The following ANKRD31 variants were observed in gnomAD, a reference collection of about 807,000 sequenced individuals.
The protein encoded by ANKRD31 is ankyrin repeat domain-containing protein 31.
Under a neutral mutation model 186.0 loss-of-function variants are expected in ANKRD31, and 147 were observed. The observed-to-expected ratio is 0.79, with a 90% CI of 0.69 to 0.91. ANKRD31 has a LOEUF of 0.91. ANKRD31 is among the 40% of genes least tolerant of loss of function. The pLI, the probability that ANKRD31 is intolerant of heterozygous loss-of-function variation, is 0.00. For missense variants in ANKRD31, 1,986 were observed against 2,148.8 expected, an observed-to-expected ratio of 0.92 and a Z score of 1.50; for synonymous variants, 673 against 736.4, an observed-to-expected ratio of 0.91 and a Z score of 1.39.
intron 25 of ANKRD31, among the ~76,000 whole-genome samples, chr5:75,077,316 C>G (rs550271771): frequency 1.4e-3 from 214 of 152,306 alleles, no homozygotes; most frequent in African/African-American, 4.9e-3. Flanking sequence ...AGCAGTCCTC[C>G]TGCCTTGGCC....
rs1755429015 is a variant in ANKRD31, at chr5:75,195,848, T to C, written c.800A>G (p.Asn267Ser). 1 of 1,537,050 alleles carries C rather than the reference T, an allele frequency of 6.5e-7. No individual in the cohort carries two copies. The highest frequency in any genetic ancestry group is 1.4e-5 in the African/African-American group (1 of 72,932). Residue 267 changes from asparagine (N) to serine (S), a missense_variant, in exon 7 of 26, where the codon AAT becomes AGT. Physicochemically the swap from Asn to Ser is conservative, Grantham distance 46. Coordinates refer to ENST00000506364, the MANE Select transcript of ANKRD31 (RefSeq NM_001372053.1). The part of the protein sequence containing the change: ...DSLSSISIPL[N>S]SWSACHRDLL... ...ATCTCTATGACATGCCGACCAGGAA[T>C]TCAAAGGTATTGATATGGAACTAAG...
At chr5:75,131,955 G>T (rs1485798812) in intron 17 of ANKRD31, among the ~76,000 whole-genome samples, 1 of 152,238 alleles carries the variant, frequency 6.6e-6, no homozygotes, top group Admixed American at 6.5e-5. Flanking sequence ...GGTCCTGACT[G>T]TTAGAAGGAA....
At chr5:75,163,426 T>C (rs1343521892) in intron 11 of ANKRD31, among the ~76,000 whole-genome samples, 2 of 152,212 alleles carry the variant, frequency 1.3e-5, no homozygotes, top group African/African-American at 2.4e-5. Context: ...TTACCCTTTG[T>C]GGATGTGCTT....
intron 25 of ANKRD31, among the ~76,000 whole-genome samples, chr5:75,071,383 C>T (rs937700039): frequency 4.0e-5 from 6 of 150,670 alleles, no homozygotes; most frequent in Non-Finnish European, 8.9e-5. Context: ...GAAGTAGCTG[C>T]AATACTTCTT....
Position 75,116,580 on chromosome 5 carries a change from C to T in ANKRD31, c.4141G>A (p.Glu1381Lys). The change falls in exon 19 of 26, where the codon GAA (glutamate) becomes AAA (lysine). Residue 1381 changes from glutamate to lysine, a missense_variant. Glu to Lys is a moderately conservative substitution (Grantham distance 56). Transcript: ENST00000506364. ...ACTTCACTCACCACAGAAAGGCTTT[C>T]TCTTGATCTTTCTTGGTGTGAAAGG... ...SSLSHQERSR[E>K]SLSVHQTLSA... 7.0e-7 allele frequency: 1 copy of T among 1,438,280 alleles called. No individual in the cohort carries two copies. The highest frequency in any genetic ancestry group is 9.2e-7 in the Non-Finnish European group (1 of 1,090,120). The allele number at this position is 1,438,280 out of a possible 1,614,324, so 89.1% of individuals were successfully genotyped here.
intron 1 of ANKRD31, among the ~76,000 whole-genome samples, chr5:75,234,527 C>A (rs1247932464): frequency 1.1e-4 from 17 of 152,168 alleles, no homozygotes; most frequent in Admixed American, 1.1e-3. Context: ...GATCCAGTCT[C>A]CAAAACAAAC....
At chr5:75,208,975 T>C (rs910672799) in intron 4 of ANKRD31, among the ~76,000 whole-genome samples, 2 of 152,240 alleles carry the variant, frequency 1.3e-5, no homozygotes, top group South Asian at 4.1e-4. Context: ...TTTCTTTTTG[T>C]CTGTTCATTT....
rs1431350376 is a variant in ANKRD31 at position 75,230,733 on chromosome 5, A to T, written c.105-98T>A. The T allele has an allele frequency of 1.1e-5, 9 of 796,720 alleles. No homozygotes were observed. The African/African-American group carries it at 1.4e-4, about 12-fold the overall frequency. The allele number at this position is 796,720 out of a possible 1,614,324, so 49.4% of individuals were successfully genotyped here. On this transcript the variant is annotated intron_variant, in intron 1 of 25. Coordinates refer to ENST00000506364, the MANE Select transcript of ANKRD31 (RefSeq NM_001372053.1). ...TTTTATTATACCAAAACTTGCTAAA[A>T]TTCTTAGTTATACCACTATTAATGT...
intron 7 of ANKRD31, among the ~76,000 whole-genome samples, chr5:75,193,972 G>T (rs997195872): frequency 6.6e-6 from 1 of 152,084 alleles, no homozygotes; most frequent in Non-Finnish European, 1.5e-5. Flanking sequence ...TCAGCCTAGG[G>T]TTTTATTATC....
intron 15 of ANKRD31, among the ~76,000 whole-genome samples, chr5:75,140,343 A>T (rs1419024471): frequency 7.1e-6 from 1 of 140,212 alleles, no homozygotes; most frequent in African/African-American, 2.5e-5. Context: ...GGAAGGAAGG[A>T]AGGAACTGCA....
At chr5:75,141,968 A>T (rs1454596433) in intron 15 of ANKRD31, among the ~76,000 whole-genome samples, 1 of 152,208 alleles carries the variant, frequency 6.6e-6, no homozygotes, top group Non-Finnish European at 1.5e-5. Context: ...ACAGCATTTG[A>T]CTAAAAACAT....
intron 2 of ANKRD31, among the ~76,000 whole-genome samples, chr5:75,225,060 T>G (rs1269775016): frequency 6.6e-6 from 1 of 152,192 alleles, no homozygotes; most frequent in Non-Finnish European, 1.5e-5. Flanking sequence ...AATCAGATAC[T>G]TTTTATTTGA....
Position 75,104,687 on chromosome 5 carries a change from T to C in ANKRD31, c.4872A>G (p.Glu1624=), listed in dbSNP as rs1213475839. The change falls in exon 22 of 26, where the codon GAA becomes GAG. Residue 1624 remains glutamate, a synonymous_variant. Transcript: ENST00000506364. Reference sequence around the variant, plus strand: ...AGAATTCATGGTCTTTGTCTGTAGCTTCTGTAAGATCATTCTCTTTCTGTG... The same window carrying C: ...AGAATTCATGGTCTTTGTCTGTAGCCTCTGTAAGATCATTCTCTTTCTGTG... The part of the protein sequence containing the change: ...EYSQKENDLT[E]ATDKDHEFYV... 1 of 1,536,396 alleles carries C rather than the reference T, an allele frequency of 6.5e-7. No homozygotes were observed. Among genetic ancestry groups the C allele is most frequent in the Non-Finnish European group, 8.7e-7 (1 of 1,146,626 alleles).
At chr5:75,088,864 C>T (rs1246026908) in intron 23 of ANKRD31, among the ~76,000 whole-genome samples, 3 of 152,142 alleles carry the variant, frequency 2.0e-5, no homozygotes, top group Non-Finnish European at 2.9e-5. Flanking sequence ...GCTCCACAAT[C>T]GCTACGTTGG....
intron 20 of ANKRD31, among the ~76,000 whole-genome samples, chr5:75,112,228 CT>C (rs1747847289): frequency 6.6e-6 from 1 of 152,124 alleles, no homozygotes; most frequent in African/African-American, 2.4e-5. Flanking sequence ...GTAGCTGGCA[CT>C]ACAAGCGCCC....
intron 11 of ANKRD31, among the ~76,000 whole-genome samples, chr5:75,158,615 A>C (rs949003108): frequency 6.6e-6 from 1 of 152,174 alleles, no homozygotes; most frequent in African/African-American, 2.4e-5. Context: ...CATCTCTACA[A>C]AAAATACAAG....
chr5:75,198,278 C>T (rs943646966), intron 6 of ANKRD31, among the ~76,000 whole-genome samples: 1 of 152,164 alleles, frequency 6.6e-6, no homozygotes, highest in African/African-American at 2.4e-5. Context: ...GCTGGCCTGT[C>T]TCACAATAAA....
At chr5:75,126,697 A>G (rs1295795202) in intron 17 of ANKRD31, among the ~76,000 whole-genome samples, 1 of 152,216 alleles carries the variant, frequency 6.6e-6, no homozygotes, top group Non-Finnish European at 1.5e-5. Flanking sequence ...TTTGCACGAA[A>G]GGGATAGAAA....
At chr5:75,219,211 A>C (rs1757142975) in intron 3 of ANKRD31, among the ~76,000 whole-genome samples, 1 of 152,214 alleles carries the variant, frequency 6.6e-6, no homozygotes, top group Non-Finnish European at 1.5e-5. Flanking sequence ...CCCTGTTTGC[A>C]AATGACATGC....
Sources: gnomAD v4.1 joint callset for allele counts (sites outside exome capture counted in the v4.1 genomes callset) on GRCh38, gnomAD v4.1.1 for gene constraint, MANE v1.5 for transcripts, NCBI Gene and HGNC (gene_info 2026-07-23, HGNC 2026-07-21) for gene names.